C6: variants seen among roughly 807,000 people sequenced by gnomAD.
The protein encoded by C6 is complement C6.
C6 carries 101 observed loss-of-function variants against 112.9 expected under a neutral mutation model. The observed-to-expected ratio is 0.89, with a 90% confidence interval of 0.76 to 1.06. The LOEUF (loss-of-function observed/expected upper bound fraction) is 1.06, where lower values mean the gene tolerates loss of function less well. C6 is among the 50% of genes least tolerant of loss of function. The probability of loss-of-function intolerance (pLI) is 0.00; values close to 1 mark genes in which losing one functional copy is unlikely to be tolerated. For synonymous variants in C6, 431 were observed against 384.1 expected, an observed-to-expected ratio of 1.12 and a Z score of -1.43; for missense variants, 1,202 against 1,104.6, an observed-to-expected ratio of 1.09 and a Z score of -1.25.
rs763860114 is a variant in C6, at chr5:41,149,342, C to A, written c.2522G>T (p.Arg841Leu). The A allele has an allele frequency of 2.5e-6, 4 of 1,614,016 alleles. No individual in the cohort carries two copies. Among genetic ancestry groups the A allele is most frequent in the Non-Finnish European group, 3.4e-6 (4 of 1,179,980 alleles). The change falls in exon 17 of 18, where the codon CGC becomes CTC. Residue 841 changes from arginine (R) to leucine (L), a missense_variant. Physicochemically the swap from Arg to Leu is moderately radical, Grantham distance 102 (BLOSUM62 -2). Coordinates refer to ENST00000337836, the MANE Select transcript of C6 (RefSeq NM_000065.5). Reference sequence around the variant, plus strand: ...CCTTTCAAGACCCCATTCTAACTGGCGGCCGTCTTGGCAGGAACCAATATG... The same window carrying A: ...CCTTTCAAGACCCCATTCTAACTGGAGGCCGTCTTGGCAGGAACCAATATG... ...FLHIGSCQDG[R>L]QLEWGLERTR... is the part of the protein sequence containing the mutation.
rs535330163 is a variant in C6, at chr5:41,176,889, A to G, written c.928-174T>C. On this transcript the variant is annotated intron_variant, in intron 7 of 17. Coordinates refer to ENST00000337836, the MANE Select transcript of C6 (RefSeq NM_000065.5). ...AATTATAATTTTCATTTTGCTTTCC[A>G]ATACCAATGTCCAATGTGCAAAACA... Among the ~76,000 whole-genome samples, 13 of 148,912 alleles carry G rather than the reference A, an allele frequency of 8.7e-5. No individual in the cohort carries two copies. In the East Asian group the frequency reaches 2.3e-3, roughly 27 times the overall value.
At chr5:41,231,528 T>C (rs559908127) in intron 1 of C6, among the ~76,000 whole-genome samples, 14 of 152,260 alleles carry the variant, frequency 9.2e-5, no homozygotes, top group African/African-American at 2.9e-4. Flanking sequence ...CGTGTAATCA[T>C]AATACATGTA....
chr5:41,176,354 T>C (rs1055566035), intron 8 of C6, 121 bp downstream of exon 8: 7 of 1,025,020 alleles, frequency 6.8e-6, no homozygotes, highest in East Asian at 5.2e-5. Flanking sequence ...TTCATATCAT[T>C]TTGGAAATAA....
chr5:41,188,676 C>A (rs971335781), intron 5 of C6, among the ~76,000 whole-genome samples: 5 of 151,850 alleles, frequency 3.3e-5, no homozygotes, highest in African/African-American at 4.8e-5. Flanking sequence ...TTTTAGAAGA[C>A]AATATAGGAC....
At chr5:41,245,571 G>T (rs764649333) in intron 1 of C6, among the ~76,000 whole-genome samples, 33 of 151,982 alleles carry the variant, frequency 2.2e-4, no homozygotes, top group Non-Finnish European at 4.1e-4. Flanking sequence ...TTTCCTGTGG[G>T]TAAGTTTTTA....
intron 3 of C6, among the ~76,000 whole-genome samples, chr5:41,200,891 G>GTTTTGTTTTTTTT (rs1554029750): frequency 3.1e-4 from 22 of 70,654 alleles, no homozygotes; most frequent in Non-Finnish European, 4.4e-4. Flanking sequence ...TGTTGTTGTT[G>GTTTTGTTTTTTTT]TTTTTTTTTT....
intron 15 of C6, among the ~76,000 whole-genome samples, chr5:41,150,546 A>T (rs371638493): frequency 6.6e-6 from 1 of 152,294 alleles, no homozygotes; most frequent in African/African-American, 2.4e-5. Flanking sequence ...AAATGAAGAA[A>T]GGTGAGGCTG....
chr5:41,160,500 G>A (rs1289196358), intron 10 of C6, 133 bp from the exon 11 acceptor site: 2 of 728,926 alleles, frequency 2.7e-6, no homozygotes, highest in Non-Finnish European at 4.9e-6. Flanking sequence ...GCAGAATATA[G>A]TATTGCACCT....
chr5:41,211,855 T>C (rs919090034), intron 1 of C6, among the ~76,000 whole-genome samples: 1 of 152,158 alleles, frequency 6.6e-6, no homozygotes, highest in Non-Finnish European at 1.5e-5. Flanking sequence ...AGAAGTTAAA[T>C]TGCAAGAGAT....
At chr5:41,246,717 G>T (rs972293912) in intron 1 of C6, among the ~76,000 whole-genome samples, 13 of 152,288 alleles carry the variant, frequency 8.5e-5, no homozygotes, top group Admixed American at 3.9e-4. Context: ...TACTGTTGTT[G>T]TTGGATGTCT....
chr5:41,156,870 A>G (rs912133611), intron 13 of C6, among the ~76,000 whole-genome samples: 1 of 152,170 alleles, frequency 6.6e-6, no homozygotes, highest in African/African-American at 2.4e-5. Flanking sequence ...AATCTGTAAC[A>G]TATAAGTGTA....
chr5:41,162,493 C>T (rs1324506298), intron 9 of C6, among the ~76,000 whole-genome samples: 1 of 152,138 alleles, frequency 6.6e-6, no homozygotes, highest in Non-Finnish European at 1.5e-5. Context: ...TCTTTAGACA[C>T]AATGACATTT....
At chr5:41,197,178 A>C (rs1375894694) in intron 4 of C6, among the ~76,000 whole-genome samples, 1 of 152,098 alleles carries the variant, frequency 6.6e-6, no homozygotes, top group African/African-American at 2.4e-5. Flanking sequence ...TTTTTTGGTT[A>C]ATAATCTTCA....
chr5:41,188,510 C>G (rs1001406000), intron 5 of C6, among the ~76,000 whole-genome samples: 1 of 152,020 alleles, frequency 6.6e-6, no homozygotes, highest in Non-Finnish European at 1.5e-5. Context: ...GGTGCCAAGA[C>G]AGTTCAATGG....
intron 15 of C6, 60 bp downstream of exon 15, chr5:41,153,750 T>C: frequency 8.0e-7 from 1 of 1,252,664 alleles, no homozygotes; most frequent in Non-Finnish European, 1.2e-6. Flanking sequence ...ATAGAGGCTA[T>C]ACTACCAATC....
chr5:41,147,163 ATGT>A (rs1015742625), intron 17 of C6, among the ~76,000 whole-genome samples: 37 of 152,334 alleles, frequency 2.4e-4, no homozygotes, highest in African/African-American at 8.9e-4. Flanking sequence ...AATAAAAATG[ATGT>A]TGTATAATAC....
intron 11 of C6, 61 bp from the exon 12 acceptor site, chr5:41,159,314 T>C (rs2150262047): frequency 1.3e-6 from 2 of 1,580,424 alleles, no homozygotes; most frequent in Non-Finnish European, 1.7e-6. Flanking sequence ...GGTTTGGAAG[T>C]GAGGCCAACC....
chr5:41,156,768 A>G (rs1394385815), intron 13 of C6, among the ~76,000 whole-genome samples: 1 of 152,176 alleles, frequency 6.6e-6, no homozygotes, highest in East Asian at 1.9e-4. Flanking sequence ...AATGATTTGG[A>G]TGTTTTCTTC....
At chr5:41,201,851 G>A (rs565016370) in intron 2 of C6, 137 bp from the exon 3 acceptor site, 10 of 760,428 alleles carry the variant, frequency 1.3e-5, no homozygotes, top group East Asian at 7.9e-5. Context: ...AGGCAGGTTG[G>A]CATATATGCA....
Sources: allele counts gnomAD v4.1 joint callset (sites outside exome capture counted in the v4.1 genomes callset), GRCh38; gene constraint gnomAD v4.1.1; transcripts MANE v1.5; gene names NCBI Gene and HGNC (gene_info 2026-07-23, HGNC 2026-07-21).